Variants in STX8 observed in about 807,000 individuals in gnomAD.
STX8 encodes syntaxin 8.
A neutral mutation model predicts 37.5 loss-of-function variants in STX8; 23 were observed. The observed-to-expected ratio is 0.61, with a 90% CI of 0.44 to 0.87. The LOEUF (loss-of-function observed/expected upper bound fraction) is 0.87, where lower values mean the gene tolerates loss of function less well. STX8 is among the 40% of genes least tolerant of loss of function. STX8 has a pLI of 0.00. For missense variants in STX8, 313 were observed against 284.7 expected, an observed-to-expected ratio of 1.10 and a Z score of -0.71; for synonymous variants, 115 against 99.1, an observed-to-expected ratio of 1.16 and a Z score of -0.95.
chr17:9,502,215 A>T (rs1459777418), intron 5 of STX8, among the ~76,000 whole-genome samples: 3 of 152,216 alleles, frequency 2.0e-5, no homozygotes, highest in African/African-American at 7.2e-5. Flanking sequence ...AAAGCCAGGC[A>T]AATACCATAT....
At chr17:9,291,774 T>A (rs1908319403) in intron 7 of STX8, among the ~76,000 whole-genome samples, 1 of 152,208 alleles carries the variant, frequency 6.6e-6, no homozygotes, top group Non-Finnish European at 1.5e-5. Context: ...TTTGCTAAAC[T>A]GCCCTACAAG....
intron 7 of STX8, among the ~76,000 whole-genome samples, chr17:9,373,564 C>T (rs903957749): frequency 2.6e-5 from 4 of 152,068 alleles, no homozygotes; most frequent in Non-Finnish European, 5.9e-5. Flanking sequence ...TCTACAGAGA[C>T]AGAAAGTAGA....
At chr17:9,506,926 C>T (rs1904859687) in intron 4 of STX8, among the ~76,000 whole-genome samples, 1 of 152,048 alleles carries the variant, frequency 6.6e-6, no homozygotes, top group Admixed American at 6.6e-5. Flanking sequence ...ACTCCATTTT[C>T]ATGCCACCAA....
intron 4 of STX8, among the ~76,000 whole-genome samples, chr17:9,539,013 C>T (rs533551052): frequency 6.6e-6 from 1 of 152,324 alleles, no homozygotes; most frequent in South Asian, 2.1e-4. Context: ...CACTGTTGCA[C>T]AGAGACTTCT....
intron 3 of STX8, among the ~76,000 whole-genome samples, chr17:9,550,269 G>A (rs1906713015): frequency 1.3e-5 from 2 of 150,624 alleles, no homozygotes; most frequent in Non-Finnish European, 3.0e-5. Flanking sequence ...GGCCAGTGCT[G>A]GGGAACCTCC....
chr17:9,427,861 C>A (rs988654108), intron 6 of STX8, among the ~76,000 whole-genome samples: 2 of 152,156 alleles, frequency 1.3e-5, no homozygotes, highest in Non-Finnish European at 2.9e-5. Flanking sequence ...GTGTCTGCTG[C>A]CTGTGAGGTT....
intron 4 of STX8, among the ~76,000 whole-genome samples, chr17:9,513,854 C>T (rs968467529): frequency 2.6e-5 from 4 of 152,192 alleles, no homozygotes; most frequent in Non-Finnish European, 5.9e-5. Flanking sequence ...AGAATAAAAT[C>T]CTGCCATTCA....
At chr17:9,529,712 T>A (rs565124630) in intron 4 of STX8, among the ~76,000 whole-genome samples, 1 of 152,374 alleles carries the variant, frequency 6.6e-6, no homozygotes, top group South Asian at 2.1e-4. Context: ...TAGTGTGGTG[T>A]ACAGTTGTAG....
chr17:9,507,496 G>A lies in STX8; in HGVS notation c.324-2334C>T, dbSNP rs968865256. 6.6e-6 allele frequency among the ~76,000 whole-genome samples: 1 copy of A among 152,174 alleles called. No individual in the cohort carries two copies. Among genetic ancestry groups the A allele is most frequent in the Non-Finnish European group, 1.5e-5 (1 of 68,036 alleles). On this transcript the variant is annotated intron_variant, in intron 4 of 7. Coordinates refer to ENST00000306357, the MANE Select transcript of STX8 (RefSeq NM_004853.3). This position sits in a 1 kb window ranked among gnomAD's most constrained non-coding sequence, Gnocchi z 4.0. ...TGCCTGAGAAATAGCCCTGTAGGCT[G>A]TCCCCAGCAGGCATTCCCCACAGGA...
At chr17:9,408,746 C>T (rs1255481403) in intron 6 of STX8, among the ~76,000 whole-genome samples, 1 of 152,082 alleles carries the variant, frequency 6.6e-6, no homozygotes, top group Non-Finnish European at 1.5e-5. Flanking sequence ...ATGGGGTAGA[C>T]AATGTATCTG....
chr17:9,435,696 G>A (rs1904407800), intron 6 of STX8, among the ~76,000 whole-genome samples: 2 of 152,152 alleles, frequency 1.3e-5, no homozygotes. Context: ...ACAGCCTAAG[G>A]AATTTTAACT....
At chr17:9,450,290 G>A (rs1348684390) in intron 6 of STX8, among the ~76,000 whole-genome samples, 1 of 151,362 alleles carries the variant, frequency 6.6e-6, no homozygotes, top group Non-Finnish European at 1.5e-5. Context: ...TGGCCAGGCT[G>A]GTCTCAAACT....
intron 6 of STX8, among the ~76,000 whole-genome samples, chr17:9,462,710 G>A (rs527587402): frequency 2.0e-5 from 3 of 152,300 alleles, no homozygotes; most frequent in East Asian, 1.9e-4. Context: ...GCAACAGAGC[G>A]AGGCTCTGTC....
At chr17:9,316,129 G>C (rs2142198049) in intron 7 of STX8, among the ~76,000 whole-genome samples, 1 of 152,220 alleles carries the variant, frequency 6.6e-6, no homozygotes, top group East Asian at 1.9e-4. Flanking sequence ...AAGGACACGT[G>C]ATGACTTGTC....
chr17:9,251,535 G>A (rs1906577338), intron 7 of STX8, among the ~76,000 whole-genome samples: 1 of 152,212 alleles, frequency 6.6e-6, no homozygotes, highest in Admixed American at 6.5e-5. Context: ...AAGGCCCCAC[G>A]AGAGAGGTGG....
intron 7 of STX8, among the ~76,000 whole-genome samples, chr17:9,256,941 C>G (rs2142121583): frequency 6.6e-6 from 1 of 152,384 alleles, no homozygotes; most frequent in African/African-American, 2.4e-5. Flanking sequence ...AGTTGAACTT[C>G]TGGGAGGCTG....
In STX8 at chr17:9,491,900, G is replaced by T. The variant is rs111345429; in HGVS notation, c.470C>A (p.Ala157Asp). 5.6e-6 allele frequency: 9 copies of T among 1,613,410 alleles called. No individual in the cohort carries two copies. Among genetic ancestry groups the T allele is most frequent in the Non-Finnish European group, 7.6e-6 (9 of 1,179,776 alleles). Reference protein sequence around the residue: ...IIQEQDAGLDALSSIISRQKQ... With the variant: ...IIQEQDAGLDDLSSIISRQKQ... The stretch of plus-strand genomic sequence containing the variant: ...TTGGCGACTTATGATAGAGGAAAGG[G>T]CATCAAGGCCTGCGTCCTGTTCTGA... The change falls in exon 6 of 8, where the codon GCC (alanine) becomes GAC (aspartate). Residue 157 changes from alanine to aspartate, a missense_variant. By Grantham distance (126) the Ala-to-Asp change is moderately radical. Coordinates refer to ENST00000306357, the MANE Select transcript of STX8 (RefSeq NM_004853.3).
intron 4 of STX8, among the ~76,000 whole-genome samples, chr17:9,512,243 A>T (rs1240693334): frequency 6.6e-6 from 1 of 152,210 alleles, no homozygotes; most frequent in African/African-American, 2.4e-5. Flanking sequence ...AAAAAATCTT[A>T]AAAATCTGCA....
chr17:9,441,386 A>G (rs994644732), intron 6 of STX8, among the ~76,000 whole-genome samples: 10 of 149,192 alleles, frequency 6.7e-5, no homozygotes, highest in African/African-American at 2.2e-4. Context: ...GCTACTTGGG[A>G]GGCTGAGGCT....
Sources: gnomAD v4.1 joint callset for allele counts (sites outside exome capture counted in the v4.1 genomes callset) on GRCh38, gnomAD v4.1.1 for gene constraint, Gnocchi (gnomAD v3.1) non-coding constraint, MANE v1.5 for transcripts, NCBI Gene and HGNC (gene_info 2026-07-23, HGNC 2026-07-21) for gene names.